ABCD2: variants seen among roughly 807,000 people sequenced by gnomAD.
The protein encoded by ABCD2 is ATP binding cassette subfamily D member 2.
ABCD2 carries 36 observed loss-of-function variants against 70.9 expected under a neutral mutation model. The ratio of observed to expected loss-of-function variants is 0.51; its 90% CI spans 0.39 to 0.67. The LOEUF (loss-of-function observed/expected upper bound fraction) is 0.67, where lower values mean the gene tolerates loss of function less well. Ranked by LOEUF, ABCD2 falls within the 30% of genes least tolerant of loss-of-function variation. ABCD2 has a pLI of 0.00. For synonymous variants in ABCD2, 304 were observed against 306.9 expected (o/e 0.99, Z 0.10); for missense variants, 729 against 890.2 (o/e 0.82, Z 2.30).
At chr12:39,599,563 A>G (rs1386985390) in intron 6 of ABCD2, among the ~76,000 whole-genome samples, 1 of 152,178 alleles carries the variant, frequency 6.6e-6, no homozygotes, top group Non-Finnish European at 1.5e-5. Context: ...CAGCCAATGC[A>G]GTTCTTCATT....
At chr12:39,611,592 A>G (rs1942046044) in intron 2 of ABCD2, among the ~76,000 whole-genome samples, 1 of 152,152 alleles carries the variant, frequency 6.6e-6, no homozygotes, top group Non-Finnish European at 1.5e-5. Flanking sequence ...ATGAAAAACC[A>G]AGGAAATTTC....
At chr12:39,599,100 A>G (rs894180464) in intron 6 of ABCD2, among the ~76,000 whole-genome samples, 3 of 152,212 alleles carry the variant, frequency 2.0e-5, no homozygotes, top group Admixed American at 1.3e-4. Context: ...AGTAAATTTC[A>G]TAACTAAGAA....
At chr12:39,611,459 GA>G (rs1390642112) in intron 2 of ABCD2, among the ~76,000 whole-genome samples, 1 of 152,084 alleles carries the variant, frequency 6.6e-6, no homozygotes, top group Non-Finnish European at 1.5e-5. Flanking sequence ...CTTATCATCT[GA>G]GTTTCTCTTC....
At chr12:39,612,375 G>A (rs12824320) in intron 2 of ABCD2, among the ~76,000 whole-genome samples, 45,820 of 152,020 alleles carry the variant, frequency 0.3, 8,838 homozygotes, top group Non-Finnish European at 0.39. Flanking sequence ...GTCATACAAC[G>A]GGATGCTATA....
At chr12:39,577,240 T>C (rs575691251) in intron 8 of ABCD2, among the ~76,000 whole-genome samples, 1 of 152,246 alleles carries the variant, frequency 6.6e-6, no homozygotes, top group Non-Finnish European at 1.5e-5. Context: ...TTTTCTACTT[T>C]TATAAAATGA....
chr12:39,531,428 G>A, the ABCD2 span, among the ~76,000 whole-genome samples: 6 of 152,162 alleles, frequency 3.9e-5, no homozygotes, highest in East Asian at 1.9e-4. Flanking sequence ...TTGTTAGACC[G>A]TTTTGACCTT....
rs571070804 is a variant in ABCD2 at position 39,550,999 on chromosome 12, C to A, written c.*2913G>T. ...ATTCATTTATGCCTTTACTGACAGA[C>A]CAAAACTTGAGACAAAAACCAAATT... On this transcript the variant is annotated 3_prime_UTR_variant, in exon 10 of 10. Transcript: ENST00000308666. 7.2e-5 allele frequency: 11 copies of A among 151,774 alleles called. No individual in the cohort carries two copies. Among genetic ancestry groups the A allele is most frequent in the African/African-American group, 2.2e-4 (9 of 41,518 alleles). 9.4% of individuals were successfully genotyped at this position (151,774 alleles called of 1,614,324 possible).
At chr12:39,566,407 T>C (rs1192996003) in intron 9 of ABCD2, among the ~76,000 whole-genome samples, 1 of 152,216 alleles carries the variant, frequency 6.6e-6, no homozygotes, top group Non-Finnish European at 1.5e-5. Flanking sequence ...ATTTTCTAGT[T>C]TGTTTGCATA....
chr12:39,599,820 A>C (rs1470747065), intron 6 of ABCD2, among the ~76,000 whole-genome samples: 1 of 152,198 alleles, frequency 6.6e-6, no homozygotes, highest in African/African-American at 2.4e-5. Context: ...ACTCCACAAA[A>C]CAGTCCTCTG....
intron 5 of ABCD2, among the ~76,000 whole-genome samples, chr12:39,602,913 G>A (rs1941920515): frequency 6.6e-6 from 1 of 152,070 alleles, no homozygotes; most frequent in Non-Finnish European, 1.5e-5. Flanking sequence ...TTAATAAATA[G>A]TTAAATACTC....
intron 8 of ABCD2, among the ~76,000 whole-genome samples, chr12:39,578,651 C>A (rs1484939776): frequency 1.3e-5 from 2 of 151,052 alleles, no homozygotes; most frequent in Non-Finnish European, 2.9e-5. Context: ...TCCTTAAACT[C>A]AAAAGGCTAT....
At position 39,605,550 on chromosome 12, in the gene ABCD2, A is replaced by G. The variant is rs78207446; in HGVS notation, c.1237-620T>C. Among the ~76,000 whole-genome samples, 714 of 152,186 alleles carry G rather than the reference A, an allele frequency of 4.7e-3. 6 individuals carry two copies. The highest frequency in any genetic ancestry group is 0.016 in the African/African-American group (681 of 41,524). On this transcript the variant is annotated intron_variant, in intron 3 of 9. Transcript: ENST00000308666. ...TTAAATATATTTTTTTTTCTAGGTA[A>G]GATTATAAGATGAGCTAAATCTCTA...
At position 39,619,498 on chromosome 12, in the gene ABCD2, T is replaced by C. The variant is rs1413009013; in HGVS notation, c.118A>G (p.Ile40Val). 1.9e-6 allele frequency: 3 copies of C among 1,613,126 alleles called. No individual in the cohort carries two copies. The highest frequency in any genetic ancestry group is 2.2e-5 in the East Asian group (1 of 44,876). Reference sequence around the variant, plus strand: ...CCAGATTGCTTTAAACGCTTGCCAATGATGGGATAGAGGGTTTTCAGAGCA... The same window carrying C: ...CCAGATTGCTTTAAACGCTTGCCAACGATGGGATAGAGGGTTTTCAGAGCA... ...AYALKTLYPI[I>V]GKRLKQSGHG... Residue 40 changes from isoleucine to valine, a missense_variant, in exon 1 of 10, where the codon ATT becomes GTT. Ile to Val is a conservative substitution (Grantham distance 29). Transcript: ENST00000308666.
intron 7 of ABCD2, among the ~76,000 whole-genome samples, chr12:39,582,895 T>C (rs1322015186): frequency 5.3e-5 from 8 of 151,906 alleles, no homozygotes; most frequent in African/African-American, 1.9e-4. Context: ...GTCTCACTCT[T>C]GTTGCCTAGG....
rs372256799 is a variant in ABCD2, at chr12:39,619,051, T to A, written c.565A>T (p.Thr189Ser). ...LVDHAYETYF[T>S]NQTYYKVINM... is the part of the protein sequence containing the mutation. ...ATCACTTTATAATAAGTCTGATTTG[T>A]AAAATAGGTTTCATAGGCGTGGTCT... The change falls in exon 1 of 10, where the codon ACA becomes TCA. Residue 189 changes from threonine to serine, a missense_variant. Around this residue, in one of 3 missense-constraint regions of ABCD2, gnomAD observed 245 missense variants for 261.2 expected, o/e 0.94. Transcript: ENST00000308666. 38 of 1,614,086 alleles carry A rather than the reference T, an allele frequency of 2.4e-5. No individual in the cohort carries two copies. The African/African-American group carries it at 5.1e-4, about 22-fold the overall frequency.
chr12:39,543,535 G>C, the ABCD2 span, among the ~76,000 whole-genome samples: 1 of 152,160 alleles, frequency 6.6e-6, no homozygotes, highest in African/African-American at 2.4e-5. Context: ...CAGCAAATTT[G>C]GGACTGGAGA....
At chr12:39,592,378 C>T (rs1435591727) in intron 6 of ABCD2, among the ~76,000 whole-genome samples, 3 of 152,196 alleles carry the variant, frequency 2.0e-5, no homozygotes, top group African/African-American at 7.2e-5. Flanking sequence ...ACCAGATTGA[C>T]TTGGCAGTAG....
At chr12:39,597,007 G>A (rs1320636847) in intron 6 of ABCD2, among the ~76,000 whole-genome samples, 1 of 151,992 alleles carries the variant, frequency 6.6e-6, no homozygotes, top group Non-Finnish European at 1.5e-5. Flanking sequence ...TTATGTTGTT[G>A]TTTTCAGTGT....
At chr12:39,605,012 T>C (rs1941951107) in intron 3 of ABCD2, 82 bp from the exon 4 acceptor site, 6 of 1,166,184 alleles carry the variant, frequency 5.1e-6, no homozygotes, top group Middle Eastern at 2.9e-4. Context: ...GATAAGCTTC[T>C]TGACTTAATG....
Sources: gnomAD v4.1 joint callset for allele counts (sites outside exome capture counted in the v4.1 genomes callset) on GRCh38, gnomAD v4.1.1 for gene constraint, gnomAD v4.1.1 regional missense constraint, MANE v1.5 for transcripts, NCBI Gene and HGNC (gene_info 2026-07-23, HGNC 2026-07-21) for gene names.